Variants in KIF5C observed in about 807,000 individuals in gnomAD.
KIF5C encodes kinesin heavy chain isoform 5C.
A neutral mutation model predicts 125.2 loss-of-function variants in KIF5C; 18 were observed. The observed-to-expected ratio is 0.14, with a 90% CI of 0.10 to 0.21. KIF5C has a LOEUF of 0.21. Among genes scored for constraint, KIF5C ranks in the 10% least tolerant of loss-of-function variants. KIF5C has a pLI of 1.00. For missense variants in KIF5C, 780 were observed against 1,183.8 expected, an observed-to-expected ratio of 0.66 and a Z score of 5.01; for synonymous variants, 405 against 434.0, an observed-to-expected ratio of 0.93 and a Z score of 0.83.
chr2:148,941,925 A>G lies in KIF5C; in HGVS notation c.446-10A>G. 1.2e-6 allele frequency: 2 copies of G among 1,610,088 alleles called. No homozygotes were observed. Among genetic ancestry groups the G allele is most frequent in the Non-Finnish European group, 1.7e-6 (2 of 1,179,176 alleles). ...TTCTTCTTTGCCTGCTGTCATTCTCATCTTTTTAGTATCCAAGACCAACTT... is the reference window on the plus strand; with the variant it reads ...TTCTTCTTTGCCTGCTGTCATTCTCGTCTTTTTAGTATCCAAGACCAACTT... On this transcript the variant is annotated splice_polypyrimidine_tract_variant and intron_variant, in intron 5 of 25. Transcript: ENST00000435030.
chr2:148,992,107 A>T (rs1477560600), intron 16 of KIF5C, among the ~76,000 whole-genome samples: 4 of 152,258 alleles, frequency 2.6e-5, no homozygotes, highest in African/African-American at 9.6e-5. Context: ...GGCGGACAAA[A>T]GCACACTTTA....
At chr2:148,972,021 G>A (rs538428502) in intron 11 of KIF5C, among the ~76,000 whole-genome samples, 2 of 152,114 alleles carry the variant, frequency 1.3e-5, no homozygotes, top group South Asian at 4.2e-4. Context: ...TGCAACCTTC[G>A]CCTCTCGGGT....
At position 148,937,644 on chromosome 2, in the gene KIF5C, C is replaced by T. The variant is rs548915702; in HGVS notation, c.396+256C>T. Reference sequence around the variant, plus strand: ...TGTTGCCCAAATTCTACCCTTTATCCTCTGGATTTCTGTGGGTATGACTGA... The same window carrying T: ...TGTTGCCCAAATTCTACCCTTTATCTTCTGGATTTCTGTGGGTATGACTGA... On this transcript the variant is annotated intron_variant, in intron 4 of 25. Coordinates refer to ENST00000435030, the MANE Select transcript of KIF5C (RefSeq NM_004522.3). 2.8e-4 allele frequency among the ~76,000 whole-genome samples: 43 copies of T among 152,278 alleles called. 1 individual carries two copies. In the South Asian group the frequency reaches 7.3e-3, roughly 26 times the overall value.
intron 15 of KIF5C, among the ~76,000 whole-genome samples, chr2:148,984,008 T>A (rs1681311142): frequency 6.6e-6 from 1 of 152,256 alleles, no homozygotes; most frequent in Non-Finnish European, 1.5e-5. Context: ...GTTGGTTGGC[T>A]TTGTGTAAAT....
rs1419347185 is a variant in KIF5C at position 148,991,114 on chromosome 2, G to A, written c.1821G>A (p.Gln607=). Residue 607 remains glutamine, a synonymous_variant, in exon 16 of 26, where the codon CAG becomes CAA. Transcript: ENST00000435030. ...AGTCCCTGGTGAACCGCAGCAAACA[G>A]CTCGAGAGCGCCCAGATGGACTCCA... is the stretch of plus-strand genomic sequence containing the variant. ...EVKSLVNRSK[Q]LESAQMDSNR... 4 of 1,613,870 alleles carry A rather than the reference G, an allele frequency of 2.5e-6. No homozygotes were observed. The highest frequency in any genetic ancestry group is 3.4e-6 in the Non-Finnish European group (4 of 1,179,882).
intron 3 of KIF5C, among the ~76,000 whole-genome samples, chr2:148,929,731 A>G (rs537339171): frequency 6.6e-6 from 1 of 152,330 alleles, no homozygotes; most frequent in South Asian, 2.1e-4. Context: ...TAGAATAAAT[A>G]AAAAACTGTA....
chr2:148,942,773 G>T lies in KIF5C; in HGVS notation c.589+13G>T, dbSNP rs996356576. On this transcript the variant is annotated intron_variant, in intron 7 of 25. Coordinates refer to ENST00000435030, the MANE Select transcript of KIF5C (RefSeq NM_004522.3). ...GTGGCTGTGACAAGTAAGCATGGTGGGGGTGTTTCCTCCCCTGCAGCTTGG... is the reference window on the plus strand; with the variant it reads ...GTGGCTGTGACAAGTAAGCATGGTGTGGGTGTTTCCTCCCCTGCAGCTTGG... 6.2e-7 allele frequency: 1 copy of T among 1,603,872 alleles called. No homozygotes were observed. Among genetic ancestry groups the T allele is most frequent in the East Asian group, 2.2e-5 (1 of 44,518 alleles).
rs533258541 is a variant in KIF5C, at chr2:148,985,909, GTGAA to G, written c.1716+2149_1716+2152del. ...GTAACTGATTATTTCATAAATCCTT[GTGAA>G]TGAATCTAATTCTAGCACAGACTTC... On this transcript the variant is annotated intron_variant, in intron 15 of 25. Transcript: ENST00000435030. Among the ~76,000 whole-genome samples the G allele has an allele frequency of 2.0e-4, 30 of 152,302 alleles. 1 individual carries two copies. The South Asian group carries it at 6.2e-3, about 32-fold the overall frequency.
chr2:148,898,275 G>A (rs1680742855), intron 1 of KIF5C, among the ~76,000 whole-genome samples: 1 of 152,134 alleles, frequency 6.6e-6, no homozygotes, highest in African/African-American at 2.4e-5. Flanking sequence ...AGAATAGGCA[G>A]GCTCATGTTG....
chr2:149,011,491 G>T, intron 24 of KIF5C, 79 bp from the exon 25 acceptor site: 1 of 1,559,142 alleles, frequency 6.4e-7, no homozygotes, highest in Non-Finnish European at 8.7e-7. Context: ...AGTTGTCACA[G>T]GTGACCTGTA....
chr2:148,895,338 A>G (rs1180283293), intron 1 of KIF5C, among the ~76,000 whole-genome samples: 1 of 152,086 alleles, frequency 6.6e-6, no homozygotes, highest in African/African-American at 2.4e-5. Context: ...GGGTTTCACC[A>G]TGTTGGCCAG....
At chr2:148,902,610 C>T (rs1429597482) in intron 1 of KIF5C, among the ~76,000 whole-genome samples, 1 of 152,232 alleles carries the variant, frequency 6.6e-6, no homozygotes, top group East Asian at 1.9e-4. Context: ...AGCCACTGCC[C>T]TCGGCCCAGG....
chr2:148,965,888 C>T (rs759794577), intron 11 of KIF5C, among the ~76,000 whole-genome samples: 17 of 152,068 alleles, frequency 1.1e-4, no homozygotes, highest in Non-Finnish European at 1.3e-4. Flanking sequence ...TAATAAATAT[C>T]ACGCCAAAAA....
rs1406043375 is a variant in KIF5C, at chr2:148,994,449, A to G, written c.1934A>G (p.Asp645Gly). ...QHEAKIKSLT[D>G]YMQNMEQKRR... Reference sequence around the variant, plus strand: ...GAAGCCAAGATCAAGTCTCTGACAGACTACATGCAGAACATGGAACAGAAG... The same window carrying G: ...GAAGCCAAGATCAAGTCTCTGACAGGCTACATGCAGAACATGGAACAGAAG... The change falls in exon 17 of 26, where the codon GAC becomes GGC. Residue 645 changes from aspartate to glycine, a missense_variant. By Grantham distance (94) the Asp-to-Gly change is moderately conservative. This residue lies in a region of KIF5C where 573 missense variants were observed against 742.6 expected (regional missense o/e 0.77). Transcript: ENST00000435030. 1.9e-6 allele frequency: 3 copies of G among 1,571,192 alleles called. No homozygotes were observed. In the African/African-American group the frequency reaches 4.1e-5, roughly 21 times the overall value.
intron 15 of KIF5C, among the ~76,000 whole-genome samples, chr2:148,986,544 T>A (rs1453081844): frequency 2.6e-5 from 4 of 152,222 alleles, no homozygotes; most frequent in African/African-American, 9.7e-5. Flanking sequence ...TGCACATTTG[T>A]TTTAGATTTA....
At chr2:148,969,555 A>G (rs1386939210) in intron 11 of KIF5C, among the ~76,000 whole-genome samples, 1 of 151,982 alleles carries the variant, frequency 6.6e-6, no homozygotes, top group African/African-American at 2.4e-5. Flanking sequence ...AAACTAAGAG[A>G]AATCTGCTTT....
chr2:148,951,160 G>T (rs148484137), intron 10 of KIF5C, among the ~76,000 whole-genome samples: 106 of 152,226 alleles, frequency 7.0e-4, no homozygotes, highest in African/African-American at 2.4e-3. Context: ...CGGTATTTGC[G>T]ATCCATTGCA....
Position 149,007,956 on chromosome 2 carries a change from A to G in KIF5C, c.2446-7A>G. On this transcript the variant is annotated splice_region_variant and splice_polypyrimidine_tract_variant and intron_variant, in intron 22 of 25. Transcript: ENST00000435030. ...CCTGTCCTGCTGACCCCTTGGTGTCAATGCAGAGTGTGGAGTTGGACAACG... is the reference window on the plus strand; with the variant it reads ...CCTGTCCTGCTGACCCCTTGGTGTCGATGCAGAGTGTGGAGTTGGACAACG... 1 of 1,593,516 alleles carries G rather than the reference A, an allele frequency of 6.3e-7. No individual in the cohort carries two copies. The highest frequency in any genetic ancestry group is 8.6e-7 in the Non-Finnish European group (1 of 1,165,724).
chr2:148,970,999 T>C (rs1186181488), intron 11 of KIF5C, among the ~76,000 whole-genome samples: 1 of 152,202 alleles, frequency 6.6e-6, no homozygotes, highest in African/African-American at 2.4e-5. Flanking sequence ...TTCATCTTTG[T>C]CATGCGTAAG....
Sources: allele counts gnomAD v4.1 joint callset (sites outside exome capture counted in the v4.1 genomes callset), GRCh38; gene constraint gnomAD v4.1.1; regional missense constraint gnomAD v4.1.1; transcripts MANE v1.5; gene names NCBI Gene and HGNC (gene_info 2026-07-23, HGNC 2026-07-21).